FGF13: variants seen among roughly 807,000 people sequenced by gnomAD.
The protein encoded by FGF13 is fibroblast growth factor 13.
Under a neutral mutation model 19.5 loss-of-function variants are expected in FGF13, and 2 were observed. The ratio of observed to expected loss-of-function variants is 0.10; its 90% CI spans 0.04 to 0.32. The LOEUF is 0.32. Ranked by LOEUF, FGF13 falls within the 10% of genes least tolerant of loss-of-function variation. The pLI, the probability that FGF13 is intolerant of heterozygous loss-of-function variation, is 1.00. For missense variants in FGF13, 113 were observed against 192.7 expected (o/e 0.59, Z 2.45); for synonymous variants, 72 against 76.9 (o/e 0.94, Z 0.33).
chrX:138,954,095 C>CAAGAGAGA (rs374374818), intron 1 of FGF13, among the ~76,000 whole-genome samples: 1,240 of 94,161 alleles, frequency 0.013, 15 homozygotes, highest in East Asian at 0.063. Flanking sequence ...GTAAATTTAA[C>CAAGAGAGA]GAGAGAGAGA....
At chrX:139,005,660 G>C (rs1319807182) in intron 1 of FGF13, among the ~76,000 whole-genome samples, 2 of 109,278 alleles carry the variant, frequency 1.8e-5, no homozygotes, top group Admixed American at 2.0e-4. Context: ...CAAAATAGCT[G>C]CTTTGAGAAA....
chrX:138,838,120 C>T (rs1451379528), intron 3 of FGF13, among the ~76,000 whole-genome samples: 1 of 111,911 alleles, frequency 8.9e-6, no homozygotes, highest in African/African-American at 3.2e-5. Flanking sequence ...CCCCAGAAAG[C>T]TTTGTCCCAG....
intron 3 of FGF13, among the ~76,000 whole-genome samples, chrX:138,801,856 A>G (rs2090832023): frequency 8.9e-6 from 1 of 112,010 alleles, no homozygotes; most frequent in Non-Finnish European, 1.9e-5. Context: ...ACCCAGTCCG[A>G]ACTTCCCAGC....
chrX:138,810,451 G>A (rs759562785), intron 3 of FGF13, among the ~76,000 whole-genome samples: 1 of 111,443 alleles, frequency 9.0e-6, no homozygotes, highest in Non-Finnish European at 1.9e-5. Flanking sequence ...ATTCAAGATG[G>A]ATTAAAGACT....
In FGF13 at chrX:138,625,183, A is replaced by G. The variant is rs2089046731; in HGVS notation, c.*7667T>C. ...AATAATATTATCCAAAACTTAAAAG[A>G]TAATGTGTTGGCAAGGAGGTATTCT... is the stretch of plus-strand genomic sequence containing the variant. On this transcript the variant is annotated 3_prime_UTR_variant, in exon 5 of 5. Coordinates refer to ENST00000315930, the MANE Select transcript of FGF13 (RefSeq NM_004114.5). 1 of 110,221 alleles carries G rather than the reference A, an allele frequency of 9.1e-6. No homozygotes were observed. Among genetic ancestry groups the G allele is most frequent in the Admixed American group, 9.8e-5 (1 of 10,177 alleles). The allele number at this position is 110,221 out of a possible 1,213,427, so 9.1% of individuals were successfully genotyped here. A position where few individuals can be genotyped will look rare whatever the true frequency, so the allele number is the denominator to read the frequency against.
chrX:138,673,726 G>A (rs978305587), intron 3 of FGF13, among the ~76,000 whole-genome samples: 13 of 111,105 alleles, frequency 1.2e-4, no homozygotes, highest in African/African-American at 3.6e-4. Context: ...AGAGGGATAC[G>A]AAGACATGAG....
At chrX:138,713,609 G>A (rs34173529), upstream of FGF13, among the ~76,000 whole-genome samples, 3 of 111,885 alleles carry the variant, frequency 2.7e-5, no homozygotes, top group Admixed American at 1.9e-4. Context: ...ATAGACCTTA[G>A]AAGAAGAGAT....
intron 1 of FGF13, among the ~76,000 whole-genome samples, chrX:139,019,127 A>G: frequency 8.9e-6 from 1 of 112,113 alleles, no homozygotes; most frequent in South Asian, 3.7e-4. Flanking sequence ...TATTTTAAAA[A>G]TGAGCACTCA....
intron 2 of FGF13, among the ~76,000 whole-genome samples, chrX:138,864,239 C>G (rs2091304923): frequency 8.9e-6 from 1 of 112,685 alleles, no homozygotes; most frequent in African/African-American, 3.2e-5. Flanking sequence ...CTCAAAGATG[C>G]TCAGCATCCT....
intron 1 of FGF13, among the ~76,000 whole-genome samples, chrX:139,050,261 C>G (rs142887247): frequency 4.6e-4 from 52 of 112,073 alleles, no homozygotes; most frequent in African/African-American, 1.7e-3. Flanking sequence ...TGGTAATCAA[C>G]TTTCTTTCTC....
chrX:138,934,764 A>G (rs889366898), intron 1 of FGF13, among the ~76,000 whole-genome samples: 4 of 111,985 alleles, frequency 3.6e-5, no homozygotes, highest in African/African-American at 1.3e-4. Context: ...TCCTCATACA[A>G]ATGTACCCAG....
At chrX:138,828,569 C>CA (rs11351814) in intron 3 of FGF13, among the ~76,000 whole-genome samples, 1,442 of 47,840 alleles carry the variant, frequency 0.03, 16 homozygotes, top group Middle Eastern at 0.06. Context: ...GACTCCGTCT[C>CA]AAAAAAAAAA....
At chrX:139,024,660 C>G (rs1400637219) in intron 1 of FGF13, among the ~76,000 whole-genome samples, 1 of 111,411 alleles carries the variant, frequency 9.0e-6, no homozygotes, top group East Asian at 2.8e-4. Flanking sequence ...CTAAACTTGA[C>G]AGAATGCTTC....
intron 1 of FGF13, among the ~76,000 whole-genome samples, chrX:139,136,528 A>G (rs192223473): frequency 2.7e-5 from 3 of 111,795 alleles, no homozygotes; most frequent in Non-Finnish European, 3.8e-5. Flanking sequence ...CAGTGGATTT[A>G]ACAAATTGTT....
intron 1 of FGF13, among the ~76,000 whole-genome samples, chrX:139,019,271 C>T (rs1341767139): frequency 1.8e-5 from 2 of 111,310 alleles, no homozygotes; most frequent in Non-Finnish European, 3.8e-5. Flanking sequence ...TGAAATGATT[C>T]AACGTATACT....
chrX:139,167,634 T>G (rs925583539), intron 1 of FGF13, among the ~76,000 whole-genome samples: 1 of 112,011 alleles, frequency 8.9e-6, no homozygotes, highest in Non-Finnish European at 1.9e-5. Context: ...TGATACAGAA[T>G]GATAAAGATC....
chrX:139,168,635 G>T (rs2084105631), intron 1 of FGF13, among the ~76,000 whole-genome samples: 1 of 111,851 alleles, frequency 8.9e-6, no homozygotes, highest in Non-Finnish European at 1.9e-5. Flanking sequence ...GCCAAATTCA[G>T]AAACTTGGTC....
At chrX:138,980,267 T>A (rs959440145) in intron 1 of FGF13, among the ~76,000 whole-genome samples, 3 of 111,597 alleles carry the variant, frequency 2.7e-5, no homozygotes, top group African/African-American at 9.8e-5. Flanking sequence ...AAGCACTTTT[T>A]ACCCATTCCT....
chrX:138,981,350 CACACACAT>C (rs1193004561), intron 1 of FGF13, among the ~76,000 whole-genome samples: 2 of 104,242 alleles, frequency 1.9e-5, no homozygotes, highest in African/African-American at 7.3e-5. Context: ...CACACACACA[CACACACAT>C]GCGAACACAA....
Sources: allele counts gnomAD v4.1 joint callset (sites outside exome capture counted in the v4.1 genomes callset), GRCh38; gene constraint gnomAD v4.1.1; transcripts MANE v1.5; gene names NCBI Gene and HGNC (gene_info 2026-07-23, HGNC 2026-07-21).